REPS1: variants seen among roughly 807,000 people sequenced by gnomAD.
REPS1 encodes the protein RALBP1 associated Eps domain containing 1, also known as ralBP1-associated Eps domain-containing protein 1.
REPS1 carries 39 observed loss-of-function variants against 100.9 expected under a neutral mutation model. That is an observed-to-expected ratio of 0.39 (90% CI 0.30 to 0.50). REPS1 has a LOEUF of 0.50. Among genes scored for constraint, REPS1 ranks in the 20% least tolerant of loss-of-function variants. REPS1 has a pLI of 0.86. For synonymous variants in REPS1, 324 were observed against 340.3 expected (o/e 0.95, Z 0.53); for missense variants, 821 against 968.5 (o/e 0.85, Z 2.02).
chr6:138,917,759 T>C, intron 12 of REPS1, 132 bp from the exon 13 acceptor site: 1 of 671,016 alleles, frequency 1.5e-6, no homozygotes, highest in Non-Finnish European at 2.6e-6. Flanking sequence ...GGCTAACAGT[T>C]CATCCTAGTG....
chr6:138,921,038 G>A lies in REPS1; in HGVS notation c.1425C>T (p.Ser475=), dbSNP rs141996588. The A allele has an allele frequency of 5.4e-5, 87 of 1,607,694 alleles. No homozygotes were observed. The highest frequency in any genetic ancestry group is 2.4e-4 in the African/African-American group (18 of 74,842). The part of the protein sequence containing the change: ...MQEMELKRTG[S]DHTNPTSPLL... ...ACAAACCAGCAACAGCTTCCTTACCGCTGCCAGTTCTTTTAAGTTCCATTT... is the reference window on the plus strand; with the variant it reads ...ACAAACCAGCAACAGCTTCCTTACCACTGCCAGTTCTTTTAAGTTCCATTT... Residue 475 remains serine, a splice_region_variant and synonymous_variant, in exon 11 of 20, where the codon AGC becomes AGT. Coordinates refer to ENST00000450536, the MANE Select transcript of REPS1 (RefSeq NM_001286611.2).
chr6:138,919,028 A>G (rs1434600262), intron 12 of REPS1, among the ~76,000 whole-genome samples: 1 of 152,220 alleles, frequency 6.6e-6, no homozygotes, highest in African/African-American at 2.4e-5. Context: ...CATTAAAATG[A>G]ACATATTTCC....
At position 138,940,601 on chromosome 6, in the gene REPS1, G is replaced by A. The variant is rs180744100; in HGVS notation, c.1135+734C>T. ...CTCTACTAAAAATACAAAAATTAGCGGGGCATGGTGGTGCGTGCCTGTAGT... is the reference window on the plus strand; with the variant it reads ...CTCTACTAAAAATACAAAAATTAGCAGGGCATGGTGGTGCGTGCCTGTAGT... On this transcript the variant is annotated intron_variant, in intron 8 of 19. Coordinates refer to ENST00000450536, the MANE Select transcript of REPS1 (RefSeq NM_001286611.2). Among the ~76,000 whole-genome samples, 193 of 151,488 alleles carry A rather than the reference G, an allele frequency of 1.3e-3. 2 individuals are homozygous for A. The highest frequency in any genetic ancestry group is 2.4e-3 in the Non-Finnish European group (160 of 67,776).
intron 1 of REPS1, among the ~76,000 whole-genome samples, chr6:138,972,613 T>C (rs982513657): frequency 2.6e-5 from 4 of 151,036 alleles, no homozygotes; most frequent in Admixed American, 6.6e-5. Flanking sequence ...AGTTCAACAA[T>C]TGAAAATTAT....
intron 1 of REPS1, among the ~76,000 whole-genome samples, chr6:138,959,045 T>C (rs1016838093): frequency 1.3e-5 from 2 of 152,206 alleles, no homozygotes; most frequent in African/African-American, 4.8e-5. Context: ...AGAGTTATAA[T>C]AAAAATGTAT....
chr6:138,944,091 T>C, intron 5 of REPS1, 76 bp from the exon 6 acceptor site: 1 of 1,376,904 alleles, frequency 7.3e-7, no homozygotes, highest in Non-Finnish European at 1.0e-6. Flanking sequence ...AGGTTATTTA[T>C]CTTTGAAAGT....
At position 138,947,636 on chromosome 6, in the gene REPS1, G is replaced by A. The variant is rs559727098; in HGVS notation, c.277+154C>T. Among the ~76,000 whole-genome samples, 3 of 152,258 alleles carry A rather than the reference G, an allele frequency of 2.0e-5. No homozygotes were observed. The East Asian group carries it at 5.8e-4, about 29-fold the overall frequency. On this transcript the variant is annotated intron_variant, in intron 2 of 19. Coordinates refer to ENST00000450536, the MANE Select transcript of REPS1 (RefSeq NM_001286611.2). ...ACATATTTTTCTAGTATTTTCAAGT[G>A]AGAAATGCAAGGTAGTGGGAATAAA...
intron 1 of REPS1, among the ~76,000 whole-genome samples, chr6:138,973,216 A>C (rs1373020135): frequency 6.6e-6 from 1 of 152,204 alleles, no homozygotes; most frequent in East Asian, 1.9e-4. Flanking sequence ...GTAGGATGTC[A>C]AACTAAAAAA....
chr6:138,978,856 G>A (rs1784751344), intron 1 of REPS1, among the ~76,000 whole-genome samples: 1 of 152,126 alleles, frequency 6.6e-6, no homozygotes, highest in African/African-American at 2.4e-5. Context: ...ACTTGCGTCT[G>A]TAACCATGTT....
chr6:138,944,406 A>AT (rs1249644391), intron 5 of REPS1, 92 bp downstream of exon 5: 3 of 1,409,948 alleles, frequency 2.1e-6, no homozygotes. Flanking sequence ...ATTTGCATTT[A>AT]TAAAATCTGC....
chr6:138,949,597 G>A (rs374825496), intron 1 of REPS1, among the ~76,000 whole-genome samples: 18 of 151,956 alleles, frequency 1.2e-4, no homozygotes, highest in East Asian at 1.2e-3. Flanking sequence ...GTGGTGGTGC[G>A]CACTGGTAAT....
In REPS1 at chr6:138,987,829, G is replaced by A. The variant is rs1785365517; in HGVS notation, c.-147C>T. On this transcript the variant is annotated 5_prime_UTR_variant, in exon 1 of 20. Transcript: ENST00000450536. ...CCCCGGCCTCACACGCGCCAGGTGC[G>A]CCCGAGCAACAGGGCCCGGAGGTCG... is the stretch of plus-strand genomic sequence containing the variant. The A allele has an allele frequency of 2.0e-6, 2 of 1,018,180 alleles. No homozygotes were observed. The highest frequency in any genetic ancestry group is 2.6e-6 in the Non-Finnish European group (2 of 775,406). The allele number at this position is 1,018,180 out of a possible 1,614,324, so 63.1% of individuals were successfully genotyped here. A position where few individuals can be genotyped will look rare whatever the true frequency, so the allele number is the denominator to read the frequency against.
At chr6:138,939,030 T>G (rs1351084200) in intron 8 of REPS1, among the ~76,000 whole-genome samples, 2 of 151,978 alleles carry the variant, frequency 1.3e-5, no homozygotes, top group East Asian at 3.9e-4. Flanking sequence ...TTTATAATGA[T>G]TTTTATGGAT....
chr6:138,952,854 C>A, intron 1 of REPS1, among the ~76,000 whole-genome samples: 1 of 148,366 alleles, frequency 6.7e-6, no homozygotes, highest in Non-Finnish European at 1.5e-5. Flanking sequence ...TTTTGAGACA[C>A]AGTTTCTCAA....
intron 10 of REPS1, 48 bp from the exon 11 acceptor site, chr6:138,921,172 C>T (rs770371900): frequency 3.2e-5 from 40 of 1,254,434 alleles, no homozygotes; most frequent in Non-Finnish European, 4.1e-5. Context: ...AAATGTCAAG[C>T]TAATGCCATG....
Position 138,987,858 on chromosome 6 carries a change from G to A in REPS1, c.-176C>T. The A allele has an allele frequency of 1.5e-6, 1 of 664,232 alleles. No individual in the cohort carries two copies. Among genetic ancestry groups the A allele is most frequent in the Non-Finnish European group, 2.1e-6 (1 of 470,602 alleles). The allele number at this position is 664,232 out of a possible 1,614,324, so 41.1% of individuals were successfully genotyped here. A position where few individuals can be genotyped will look rare whatever the true frequency, so the allele number is the denominator to read the frequency against. On this transcript the variant is annotated 5_prime_UTR_variant, in exon 1 of 20. Transcript: ENST00000450536. ...GAGCAACAGGGCCCGGAGGTCGCGAGGAGGGGGCCCGGCTGCGCTCGCCGC... is the reference window on the plus strand; with the variant it reads ...GAGCAACAGGGCCCGGAGGTCGCGAAGAGGGGGCCCGGCTGCGCTCGCCGC...
chr6:138,976,556 T>C (rs1784613515), intron 1 of REPS1, among the ~76,000 whole-genome samples: 1 of 152,210 alleles, frequency 6.6e-6, no homozygotes, highest in Admixed American at 6.5e-5. Flanking sequence ...TACTTGTCAG[T>C]CATGACTACT....
intron 8 of REPS1, among the ~76,000 whole-genome samples, chr6:138,934,677 G>A (rs6908405): frequency 1.3e-5 from 2 of 151,846 alleles, no homozygotes; most frequent in Non-Finnish European, 2.9e-5. Context: ...AAATTGTCTC[G>A]AAAGTGACTG....
At chr6:138,987,467 C>G in intron 1 of REPS1, 63 bp downstream of exon 1, 7 of 1,415,610 alleles carry the variant, frequency 4.9e-6, no homozygotes, top group Non-Finnish European at 6.5e-6. Context: ...GCGCCCACTC[C>G]CACTCCTGGA....
Sources: allele counts gnomAD v4.1 joint callset (sites outside exome capture counted in the v4.1 genomes callset), GRCh38; gene constraint gnomAD v4.1.1; transcripts MANE v1.5; gene names NCBI Gene and HGNC (gene_info 2026-07-23, HGNC 2026-07-21).